The following CNGB3 variants were observed in gnomAD, a reference collection of about 807,000 sequenced individuals.
CNGB3 encodes cyclic nucleotide-gated channel beta-3.
CNGB3 carries 86 observed loss-of-function variants against 92.8 expected under a neutral mutation model. The ratio of observed to expected loss-of-function variants is 0.93; its 90% CI spans 0.78 to 1.11. The LOEUF (loss-of-function observed/expected upper bound fraction) is 1.11. Among genes scored for constraint, CNGB3 ranks in the 50% least tolerant of loss-of-function variants. The pLI is 0.00. For synonymous variants in CNGB3, 333 were observed against 332.7 expected, an observed-to-expected ratio of 1.00 and a Z score of -0.01; for missense variants, 1,026 against 956.8, an observed-to-expected ratio of 1.07 and a Z score of -0.95.
At chr8:86,625,917 A>G in intron 13 of CNGB3, 66 bp downstream of exon 13, 2 of 1,312,454 alleles carry the variant, frequency 1.5e-6, no homozygotes, top group Non-Finnish European at 2.2e-6. Flanking sequence ...TAAATGCTGT[A>G]TAAATCAAGA....
In CNGB3 at chr8:86,667,163, A is replaced by G. The variant is rs187613073; in HGVS notation, c.644-30T>C. The G allele has an allele frequency of 1.3e-5, 20 of 1,577,448 alleles. No homozygotes were observed. In the East Asian group the frequency reaches 3.6e-4, roughly 28 times the overall value. On this transcript the variant is annotated intron_variant, in intron 5 of 17. Coordinates refer to ENST00000320005, the MANE Select transcript of CNGB3 (RefSeq NM_019098.5). Reference sequence around the variant, plus strand: ...AAAAACAGCAAGTGGTGAAATCCAAATGACATAGAACAAACACAGAAAGAA... The same window carrying G: ...AAAAACAGCAAGTGGTGAAATCCAAGTGACATAGAACAAACACAGAAAGAA...
chr8:86,742,955 G>T (rs1012856515), intron 1 of CNGB3, among the ~76,000 whole-genome samples: 1 of 152,138 alleles, frequency 6.6e-6, no homozygotes, highest in African/African-American at 2.4e-5. Flanking sequence ...GTGGAGGGCT[G>T]TCCTGTACAT....
At chr8:86,706,715 T>C (rs533846632) in intron 3 of CNGB3, among the ~76,000 whole-genome samples, 11 of 152,322 alleles carry the variant, frequency 7.2e-5, no homozygotes, top group East Asian at 1.9e-4. Flanking sequence ...GAACACTTAG[T>C]GCAATCAATC....
At chr8:86,705,433 G>A (rs1824635333) in intron 3 of CNGB3, among the ~76,000 whole-genome samples, 1 of 151,878 alleles carries the variant, frequency 6.6e-6, no homozygotes, top group East Asian at 1.9e-4. Flanking sequence ...AAATGTCCAT[G>A]CTCCTATTCC....
chr8:86,611,771 G>A, intron 13 of CNGB3, 100 bp from the exon 14 acceptor site: 1 of 882,248 alleles, frequency 1.1e-6, no homozygotes, highest in Non-Finnish European at 1.8e-6. Context: ...TATATTGTCT[G>A]CATTAGCATA....
intron 15 of CNGB3, among the ~76,000 whole-genome samples, chr8:86,600,614 C>CTTT (rs559441292): frequency 1.5e-5 from 2 of 135,446 alleles, no homozygotes; most frequent in East Asian, 2.1e-4. Flanking sequence ...TTTTTTTTTT[C>CTTT]TTTTTTTTTT....
At chr8:86,670,627 TG>T (rs1389822417) in intron 4 of CNGB3, among the ~76,000 whole-genome samples, 4 of 152,126 alleles carry the variant, frequency 2.6e-5, no homozygotes, top group Non-Finnish European at 5.9e-5. Flanking sequence ...CTGCCCAGGC[TG>T]GTTTCAAATT....
At chr8:86,594,365 A>G in intron 15 of CNGB3, 1 of 313,604 alleles carries the variant, frequency 3.2e-6, no homozygotes, top group Non-Finnish European at 6.2e-6. Flanking sequence ...CACGGCCTCC[A>G]TGACCTTCAT....
intron 9 of CNGB3, among the ~76,000 whole-genome samples, 159 bp from the exon 10 acceptor site, chr8:86,644,032 A>T (rs749090867): frequency 2.7e-5 from 4 of 150,788 alleles, no homozygotes; most frequent in Non-Finnish European, 4.5e-5. Context: ...GTGCCATTGC[A>T]TGTTTTCTGA....
intron 15 of CNGB3, among the ~76,000 whole-genome samples, chr8:86,587,320 G>A (rs1241093492): frequency 3.3e-5 from 5 of 152,214 alleles, no homozygotes; most frequent in East Asian, 1.9e-4. Flanking sequence ...TTCTTTTGCC[G>A]TGCAGAAGCT....
intron 13 of CNGB3, among the ~76,000 whole-genome samples, chr8:86,621,013 A>G (rs1025089875): frequency 6.6e-6 from 1 of 152,238 alleles, no homozygotes. Flanking sequence ...TATACACAAC[A>G]TTAGCAAGAT....
At chr8:86,739,010 G>C (rs900821236) in intron 2 of CNGB3, among the ~76,000 whole-genome samples, 17 of 152,146 alleles carry the variant, frequency 1.1e-4, no homozygotes, top group African/African-American at 4.1e-4. Context: ...TCAGGAGAGG[G>C]AGCGTATTTG....
intron 15 of CNGB3, among the ~76,000 whole-genome samples, chr8:86,600,810 T>G: frequency 1.3e-5 from 1 of 79,308 alleles, no homozygotes; most frequent in African/African-American, 4.3e-5. Context: ...TTTTTTTTTT[T>G]TAGTAGAGAT....
intron 1 of CNGB3, among the ~76,000 whole-genome samples, chr8:86,741,986 G>T (rs949445835): frequency 2.0e-5 from 3 of 152,186 alleles, no homozygotes; most frequent in Admixed American, 6.5e-5. Context: ...GATAGGACTT[G>T]GTTCCAATCC....
intron 3 of CNGB3, among the ~76,000 whole-genome samples, chr8:86,672,911 C>G (rs7812988): frequency 0.8 from 121,556 of 152,134 alleles, 49,211 homozygotes; most frequent in East Asian, 1. Flanking sequence ...TAGAGACCAA[C>G]GGGCAGTGAA....
At chr8:86,681,242 A>G (rs1033250991) in intron 3 of CNGB3, among the ~76,000 whole-genome samples, 11 of 152,332 alleles carry the variant, frequency 7.2e-5, no homozygotes, top group African/African-American at 2.6e-4. Context: ...GGGATAGATT[A>G]TTGCGAAAGG....
chr8:86,705,560 C>A lies in CNGB3; in HGVS notation c.338+20971G>T, dbSNP rs192724198. Among the ~76,000 whole-genome samples, 396 of 152,028 alleles carry A rather than the reference C, an allele frequency of 2.6e-3. 3 individuals are homozygous for A. Among genetic ancestry groups the A allele is most frequent in the African/African-American group, 8.9e-3 (368 of 41,472 alleles). ...GGGCCCAATATAATCATGTAAGCCC[C>A]TAAAAACCAAAAATATTCTCTGGCT... On this transcript the variant is annotated intron_variant, in intron 3 of 17. Coordinates refer to ENST00000320005, the MANE Select transcript of CNGB3 (RefSeq NM_019098.5).
At chr8:86,599,352 C>T (rs554862873) in intron 15 of CNGB3, among the ~76,000 whole-genome samples, 9 of 152,096 alleles carry the variant, frequency 5.9e-5, no homozygotes, top group East Asian at 3.9e-4. Flanking sequence ...GGGATGATTG[C>T]GTTAACTGCA....
At chr8:86,728,019 A>T (rs576217142) in intron 2 of CNGB3, among the ~76,000 whole-genome samples, 1 of 152,184 alleles carries the variant, frequency 6.6e-6, no homozygotes, top group South Asian at 2.1e-4. Flanking sequence ...TAAAATTTTT[A>T]AAAGTTTAAG....
Sources: allele counts gnomAD v4.1 joint callset (sites outside exome capture counted in the v4.1 genomes callset), GRCh38; gene constraint gnomAD v4.1.1; transcripts MANE v1.5; gene names NCBI Gene and HGNC (gene_info 2026-07-23, HGNC 2026-07-21).